SGCZ: variants seen among roughly 807,000 people sequenced by gnomAD.
SGCZ encodes the protein zeta-sarcoglycan.
Under a neutral mutation model 41.3 loss-of-function variants are expected in SGCZ, and 40 were observed. The observed-to-expected ratio is 0.97, with a 90% CI of 0.75 to 1.26. The LOEUF is 1.26. SGCZ is among the 50% of genes most tolerant of loss of function. SGCZ has a pLI of 0.00. For missense variants in SGCZ, 552 were observed against 369.8 expected, an observed-to-expected ratio of 1.49 and a Z score of -4.04; for synonymous variants, 206 against 137.5, an observed-to-expected ratio of 1.50 and a Z score of -3.49.
intron 1 of SGCZ, among the ~76,000 whole-genome samples, chr8:14,571,646 C>T (rs936407145): frequency 6.6e-6 from 1 of 152,044 alleles, no homozygotes; most frequent in Admixed American, 6.5e-5. Flanking sequence ...GCTCTATATT[C>T]CAAGCTATAA....
chr8:14,814,059 A>G (rs1330265351), intron 1 of SGCZ, among the ~76,000 whole-genome samples: 2 of 152,222 alleles, frequency 1.3e-5, no homozygotes, highest in African/African-American at 4.8e-5. Flanking sequence ...AGCACTTAAT[A>G]GACATGTCTT....
intron 1 of SGCZ, among the ~76,000 whole-genome samples, chr8:14,663,399 C>T (rs1807815982): frequency 6.6e-6 from 1 of 152,098 alleles, no homozygotes; most frequent in African/African-American, 2.4e-5. Context: ...TATATTTCAC[C>T]TATAGATGTA....
intron 1 of SGCZ, among the ~76,000 whole-genome samples, chr8:15,207,141 C>T (rs1254078869): frequency 2.6e-5 from 4 of 152,046 alleles, no homozygotes; most frequent in East Asian, 1.9e-4. Flanking sequence ...TATACAGGGA[C>T]GTTAACAGAG....
At chr8:14,524,890 G>T (rs1003743906) in intron 2 of SGCZ, among the ~76,000 whole-genome samples, 1 of 151,904 alleles carries the variant, frequency 6.6e-6, no homozygotes, top group East Asian at 1.9e-4. Flanking sequence ...TGACATGTTT[G>T]GTCCAGGTCT....
At chr8:14,419,399 A>G (rs927531198) in intron 2 of SGCZ, among the ~76,000 whole-genome samples, 19 of 151,898 alleles carry the variant, frequency 1.3e-4, no homozygotes, top group African/African-American at 4.6e-4. Context: ...CTCTCAACCT[A>G]TGTATCAATT....
chr8:14,213,688 C>T (rs1183444958), intron 4 of SGCZ, among the ~76,000 whole-genome samples: 1 of 151,888 alleles, frequency 6.6e-6, no homozygotes, highest in Non-Finnish European at 1.5e-5. Flanking sequence ...TAAATCATAT[C>T]TGTCAGTTTA....
chr8:14,283,747 C>T (rs1800527676), intron 3 of SGCZ, among the ~76,000 whole-genome samples: 1 of 152,088 alleles, frequency 6.6e-6, no homozygotes, highest in Non-Finnish European at 1.5e-5. Context: ...GATTTCTGGG[C>T]CATATGGTCT....
intron 1 of SGCZ, among the ~76,000 whole-genome samples, chr8:15,129,938 A>G (rs1807840317): frequency 6.6e-6 from 1 of 152,132 alleles, no homozygotes; most frequent in Non-Finnish European, 1.5e-5. Flanking sequence ...ATGCATATAT[A>G]CATATACATA....
chr8:15,176,929 A>G (rs1237278855), intron 1 of SGCZ, among the ~76,000 whole-genome samples: 1 of 152,206 alleles, frequency 6.6e-6, no homozygotes, highest in Non-Finnish European at 1.5e-5. Context: ...TGAACCCAGG[A>G]GGCAGAGCTT....
Position 14,292,962 on chromosome 8 carries a change from T to C in SGCZ, c.336+31141A>G, listed in dbSNP as rs956497664. On this transcript the variant is annotated intron_variant, in intron 3 of 7. Coordinates refer to ENST00000382080, the MANE Select transcript of SGCZ (RefSeq NM_139167.4). ...ATGATGTATAACATCTAGAAAACTT[T>C]AAAAAGTTTTTCATTCTTATTTAGG... Among the ~76,000 whole-genome samples the C allele has an allele frequency of 2.6e-5, 4 of 152,094 alleles. No homozygotes were observed. The East Asian group carries it at 7.7e-4, about 29-fold the overall frequency.
At chr8:14,309,183 G>A (rs1202690788) in intron 3 of SGCZ, 1 of 1,480,002 alleles carries the variant, frequency 6.8e-7, no homozygotes, top group Non-Finnish European at 9.4e-7. Context: ...AGCAAAACTT[G>A]GCAAGCAAAC....
rs575398250 is a variant in SGCZ at position 14,712,089 on chromosome 8, C to G, written c.40-157163G>C. Reference sequence around the variant, plus strand: ...TTCAAGACCAGCCTGGCCAACATGGCGAATCCTCGTCTCTACTAAAAGAAA... The same window carrying G: ...TTCAAGACCAGCCTGGCCAACATGGGGAATCCTCGTCTCTACTAAAAGAAA... On this transcript the variant is annotated intron_variant, in intron 1 of 7. Transcript: ENST00000382080. 2.6e-5 allele frequency among the ~76,000 whole-genome samples: 4 copies of G among 152,256 alleles called. No individual in the cohort carries two copies. The South Asian group carries it at 8.3e-4, about 32-fold the overall frequency.
At chr8:14,874,832 C>A (rs890385037) in intron 1 of SGCZ, among the ~76,000 whole-genome samples, 1 of 152,118 alleles carries the variant, frequency 6.6e-6, no homozygotes, top group Non-Finnish European at 1.5e-5. Flanking sequence ...GAGGTATATT[C>A]ACCTTCCTCC....
chr8:14,432,198 A>G (rs1232930790), intron 2 of SGCZ, among the ~76,000 whole-genome samples: 1 of 152,192 alleles, frequency 6.6e-6, no homozygotes, highest in Admixed American at 6.5e-5. Flanking sequence ...CCAGAGGAAA[A>G]TATGTCATTA....
In SGCZ at chr8:14,324,241, T is replaced by A. The variant is rs374433158; in HGVS notation, c.235-37A>T. On this transcript the variant is annotated intron_variant, in intron 2 of 7. Coordinates refer to ENST00000382080, the MANE Select transcript of SGCZ (RefSeq NM_139167.4). ...GAAATATAGTTCACTTTTAGGTTAA[T>A]TGGAGAATGAATATCTGGCCATAAT... The A allele has an allele frequency of 4.8e-6, 7 of 1,459,602 alleles. No individual in the cohort carries two copies. In the Admixed American group the frequency reaches 8.5e-5, roughly 18 times the overall value. The allele number at this position is 1,459,602 out of a possible 1,614,324, so 90.4% of individuals were successfully genotyped here.
At position 15,019,496 on chromosome 8, in the gene SGCZ, G is replaced by A. The variant is rs79202284; in HGVS notation, c.39+218089C>T. Among the ~76,000 whole-genome samples the A allele has an allele frequency of 8.4e-3, 1,283 of 152,192 alleles. 21 individuals carry two copies. Among genetic ancestry groups the A allele is most frequent in the African/African-American group, 0.029 (1,209 of 41,512 alleles). ...CAGCCCCAGCACTCCTTTCTGTGGG[G>A]TGGTTTGACTCACCTGATTGATAAA... is the stretch of plus-strand genomic sequence containing the variant. On this transcript the variant is annotated intron_variant, in intron 1 of 7. Transcript: ENST00000382080.
At chr8:15,022,465 T>C (rs1803289467) in intron 1 of SGCZ, among the ~76,000 whole-genome samples, 2 of 152,124 alleles carry the variant, frequency 1.3e-5, no homozygotes, top group African/African-American at 4.8e-5. Context: ...TACTTCAGCC[T>C]CCAGAGTAGC....
chr8:14,254,637 G>C (rs990939671), intron 3 of SGCZ, among the ~76,000 whole-genome samples: 1 of 152,010 alleles, frequency 6.6e-6, no homozygotes, highest in African/African-American at 2.4e-5. Context: ...TTTACATTAA[G>C]AACATTAACA....
chr8:14,207,678 A>G (rs758471199), intron 4 of SGCZ, among the ~76,000 whole-genome samples: 1 of 152,124 alleles, frequency 6.6e-6, no homozygotes, highest in Non-Finnish European at 1.5e-5. Context: ...AGGACAAAGT[A>G]TGTGTAGATT....
Sources: gnomAD v4.1 joint callset for allele counts (sites outside exome capture counted in the v4.1 genomes callset) on GRCh38, gnomAD v4.1.1 for gene constraint, MANE v1.5 for transcripts, NCBI Gene and HGNC (gene_info 2026-07-23, HGNC 2026-07-21) for gene names.